The following BANP variants were observed in gnomAD, a reference collection of about 807,000 sequenced individuals.
The protein encoded by BANP is protein BANP.
Under a neutral mutation model 68.1 loss-of-function variants are expected in BANP, and 11 were observed. That is an observed-to-expected ratio of 0.16 (90% CI 0.10 to 0.27). BANP has a LOEUF of 0.27. Ranked by LOEUF, BANP falls within the 10% of genes least tolerant of loss-of-function variation. The pLI is 1.00. For missense variants in BANP, 504 were observed against 722.7 expected (o/e 0.70, Z 3.47); for synonymous variants, 329 against 303.2 (o/e 1.09, Z -0.88).
At chr16:87,955,608 G>T (rs1355064951) in intron 1 of BANP, among the ~76,000 whole-genome samples, 1 of 152,138 alleles carries the variant, frequency 6.6e-6, no homozygotes, top group East Asian at 1.9e-4. Flanking sequence ...TGGTGCGTGT[G>T]GCCGCCCTGT....
intron 7 of BANP, 55 bp from the exon 8 acceptor site, chr16:88,027,428 C>T: frequency 6.2e-7 from 1 of 1,602,918 alleles, no homozygotes; most frequent in Non-Finnish European, 8.5e-7. Flanking sequence ...CCAGGCAGCT[C>T]CTGGTGGCTG....
chr16:87,997,576 T>C (rs1323979014), intron 4 of BANP, among the ~76,000 whole-genome samples: 1 of 150,502 alleles, frequency 6.6e-6, no homozygotes, highest in Admixed American at 6.6e-5. Context: ...AGACCATGTG[T>C]TCGTGGTAAA....
chr16:87,961,513 A>G (rs764247391), intron 1 of BANP, among the ~76,000 whole-genome samples: 15 of 151,922 alleles, frequency 9.9e-5, no homozygotes, highest in Non-Finnish European at 1.8e-4. Flanking sequence ...ATATCGGAGC[A>G]GACCACCGGT....
chr16:88,042,182 G>T (rs12444448), intron 11 of BANP, among the ~76,000 whole-genome samples: 71,642 of 152,182 alleles, frequency 0.47, 20,007 homozygotes, highest in Non-Finnish European at 0.65. Flanking sequence ...TGTGACCAGT[G>T]TTGGGGGGTA....
At chr16:88,027,034 G>C (rs1036783121) in intron 7 of BANP, among the ~76,000 whole-genome samples, 2 of 152,254 alleles carry the variant, frequency 1.3e-5, no homozygotes, top group Non-Finnish European at 2.9e-5. Flanking sequence ...GGCCGAGCAG[G>C]CCCGAGTAGG....
Position 88,018,306 on chromosome 16 carries a change from G to A in BANP, c.656-122G>A, listed in dbSNP as rs1280611320. 2 of 1,272,262 alleles carry A rather than the reference G, an allele frequency of 1.6e-6. No homozygotes were observed. Among genetic ancestry groups the A allele is most frequent in the East Asian group, 2.3e-5 (1 of 42,788 alleles). 78.8% of individuals were successfully genotyped at this position (1,272,262 alleles called of 1,614,324 possible). A position where few individuals can be genotyped will look rare whatever the true frequency, so the allele number is the denominator to read the frequency against. ...TTGGTGACTGCCTCACAAGTTACGA[G>A]GGATTTGCCCAGCCCTGCGTGGAGC... On this transcript the variant is annotated intron_variant, in intron 6 of 13. Transcript: ENST00000682872. This position sits in a 1 kb window ranked among gnomAD's most constrained non-coding sequence, Gnocchi z 7.7.
intron 1 of BANP, among the ~76,000 whole-genome samples, chr16:87,966,499 G>A (rs2060046092): frequency 6.6e-6 from 1 of 152,138 alleles, no homozygotes; most frequent in African/African-American, 2.4e-5. Context: ...TTTTTCTATT[G>A]AAATCTTTAC....
rs145802529 is a variant in BANP at position 87,987,652 on chromosome 16, G to A, written c.362+3393G>A. Among the ~76,000 whole-genome samples, 993 of 140,340 alleles carry A rather than the reference G, an allele frequency of 7.1e-3. 9 individuals are homozygous for A. Among genetic ancestry groups the A allele is most frequent in the African/African-American group, 0.024 (917 of 37,856 alleles). 92.1% of individuals were successfully genotyped at this position (140,340 alleles called of 152,430 possible). ...GGGAGGATTGCTTGAGCCTGGGAGG[G>A]TGAGACTATGGTGAGCTGTGACTCT... On this transcript the variant is annotated intron_variant, in intron 4 of 13. Transcript: ENST00000682872.
At chr16:88,030,996 AG>A (rs1277436135) in intron 8 of BANP, among the ~76,000 whole-genome samples, 2 of 152,252 alleles carry the variant, frequency 1.3e-5, no homozygotes, top group East Asian at 3.9e-4. Context: ...AGGTGCTAAG[AG>A]GGTCAGTGGA....
At chr16:88,055,472 T>C (rs1312610686) in intron 11 of BANP, among the ~76,000 whole-genome samples, 27 of 152,226 alleles carry the variant, frequency 1.8e-4, no homozygotes, top group Non-Finnish European at 1.5e-5. Flanking sequence ...TCTCCCATCT[T>C]TGGCATTTGT....
intron 8 of BANP, among the ~76,000 whole-genome samples, chr16:88,032,637 A>T (rs2078449233): frequency 6.6e-6 from 1 of 152,268 alleles, no homozygotes; most frequent in Non-Finnish European, 1.5e-5. Context: ...TATGATTGAG[A>T]CATCATTACA....
chr16:88,032,367 A>C (rs1356355816), intron 8 of BANP, among the ~76,000 whole-genome samples: 3 of 151,638 alleles, frequency 2.0e-5, no homozygotes, highest in African/African-American at 4.8e-5. Flanking sequence ...ACGCCTGTCT[A>C]ATTTTTGTAT....
chr16:88,040,256 T>C (rs1419655578), intron 11 of BANP, among the ~76,000 whole-genome samples: 1 of 72,584 alleles, frequency 1.4e-5, no homozygotes, highest in East Asian at 2.3e-4. Context: ...GTGGAAATCC[T>C]TTTTTTTTTT....
At chr16:87,985,567 G>A (rs1267013329) in intron 4 of BANP, among the ~76,000 whole-genome samples, 2 of 151,698 alleles carry the variant, frequency 1.3e-5, no homozygotes, top group Non-Finnish European at 2.9e-5. Flanking sequence ...TATAATTTAT[G>A]TTTCAAAAAA....
At chr16:88,005,997 A>C in intron 5 of BANP, 93 bp from the exon 6 acceptor site, 1 of 1,487,222 alleles carries the variant, frequency 6.7e-7, no homozygotes, top group Non-Finnish European at 9.3e-7. Flanking sequence ...TGGTCCACAC[A>C]GAGTTAGATT....
chr16:88,063,617 G>A (rs954419722), intron 11 of BANP, among the ~76,000 whole-genome samples: 1 of 152,138 alleles, frequency 6.6e-6, no homozygotes, highest in African/African-American at 2.4e-5. Context: ...TGATAGACGA[G>A]TTTCAGATCC....
intron 1 of BANP, among the ~76,000 whole-genome samples, chr16:87,968,806 G>C (rs2060591014): frequency 6.6e-6 from 1 of 152,140 alleles, no homozygotes; most frequent in Admixed American, 6.6e-5. Context: ...GGTGGAGTTG[G>C]AATGGACCCT....
intron 1 of BANP, among the ~76,000 whole-genome samples, chr16:87,965,911 G>C (rs1440361469): frequency 6.6e-6 from 1 of 152,156 alleles, no homozygotes; most frequent in Non-Finnish European, 1.5e-5. Flanking sequence ...GTGGACAGGA[G>C]AGTGGGGCTC....
Position 88,076,587 on chromosome 16 carries a change from C to T in BANP, c.1522-3C>T, listed in dbSNP as rs200280913. On this transcript the variant is annotated splice_polypyrimidine_tract_variant and splice_region_variant and intron_variant, in intron 13 of 13. Transcript: ENST00000682872. The stretch of plus-strand genomic sequence containing the variant: ...GAAAGTCCCTCCTTTCTCCCTTTTG[C>T]AGACGGCCGAAGCCCTGCAGCCCAC... The T allele has an allele frequency of 5.4e-5, 87 of 1,612,248 alleles. No individual in the cohort carries two copies. In the African/African-American group the frequency reaches 9.5e-4, roughly 18 times the overall value.
Sources: gnomAD v4.1 joint callset for allele counts (sites outside exome capture counted in the v4.1 genomes callset) on GRCh38, gnomAD v4.1.1 for gene constraint, Gnocchi (gnomAD v3.1) non-coding constraint, MANE v1.5 for transcripts, NCBI Gene and HGNC (gene_info 2026-07-23, HGNC 2026-07-21) for gene names.